The following AGBL2 variants were observed in gnomAD, a reference collection of about 807,000 sequenced individuals.
The protein encoded by AGBL2 is cytosolic carboxypeptidase 2.
In AGBL2, 87 loss-of-function variants were observed where a neutral mutation model predicts 103.0. The ratio of observed to expected loss-of-function variants is 0.84; its 90% confidence interval spans 0.71 to 1.01. AGBL2 has a LOEUF of 1.01. AGBL2 is among the 50% of genes least tolerant of loss of function. AGBL2 has a pLI of 0.00. For missense variants in AGBL2, 904 were observed against 1,023.5 expected (o/e 0.88, Z 1.59); for synonymous variants, 335 against 356.7 (o/e 0.94, Z 0.69).
chr11:47,693,336 T>G (rs1040937046), intron 8 of AGBL2, among the ~76,000 whole-genome samples: 1 of 152,154 alleles, frequency 6.6e-6, no homozygotes, highest in African/African-American at 2.4e-5. Context: ...TCATTTGTTT[T>G]AAGATTTTTA....
At chr11:47,711,411 C>G in intron 3 of AGBL2, among the ~76,000 whole-genome samples, 1 of 152,340 alleles carries the variant, frequency 6.6e-6, no homozygotes, top group South Asian at 2.1e-4. Context: ...CTCCTCCCCT[C>G]ACTTGCTTGC....
intron 14 of AGBL2, among the ~76,000 whole-genome samples, chr11:47,675,264 A>G (rs1038311063): frequency 7.6e-6 from 1 of 130,790 alleles, no homozygotes; most frequent in Non-Finnish European, 1.5e-5. Context: ...ATTGTAGTAC[A>G]CTAGCGCGGC....
intron 17 of AGBL2, chr11:47,666,748 T>A: frequency 1.6e-6 from 1 of 617,154 alleles, no homozygotes; most frequent in Non-Finnish European, 2.9e-6. Context: ...AAATCACAAA[T>A]CACCAATATT....
chr11:47,670,953 C>T (rs2097355489), intron 14 of AGBL2, among the ~76,000 whole-genome samples: 1 of 151,576 alleles, frequency 6.6e-6, no homozygotes, highest in Non-Finnish European at 1.5e-5. Flanking sequence ...TGTGATTGCG[C>T]CACTGACTCT....
intron 14 of AGBL2, among the ~76,000 whole-genome samples, chr11:47,674,163 G>A (rs2097366542): frequency 6.6e-6 from 1 of 152,112 alleles, no homozygotes; most frequent in Non-Finnish European, 1.5e-5. Context: ...GGCAATAAAT[G>A]CTATGGAAAA....
At chr11:47,698,102 T>C (rs2097483457) in intron 8 of AGBL2, among the ~76,000 whole-genome samples, 1 of 150,900 alleles carries the variant, frequency 6.6e-6, no homozygotes, top group Non-Finnish European at 1.5e-5. Flanking sequence ...CCTCAGGTGA[T>C]CTGCCCATCT....
At chr11:47,697,103 A>G (rs1205550821) in intron 8 of AGBL2, among the ~76,000 whole-genome samples, 1 of 151,302 alleles carries the variant, frequency 6.6e-6, no homozygotes, top group African/African-American at 2.4e-5. Flanking sequence ...TAATTTTTGT[A>G]TTTTTAGTAG....
chr11:47,683,137 G>A (rs760369109), intron 11 of AGBL2, among the ~76,000 whole-genome samples: 2 of 152,150 alleles, frequency 1.3e-5, no homozygotes, highest in African/African-American at 2.4e-5. Context: ...TTGGGAGGCC[G>A]AGACGGCCCA....
intron 9 of AGBL2, 117 bp downstream of exon 9, chr11:47,691,986 C>A (rs2097449381): frequency 2.2e-6 from 2 of 889,342 alleles, no homozygotes; most frequent in Non-Finnish European, 1.6e-6. Context: ...TCTTCATACC[C>A]ATAACTATTC....
chr11:47,660,670 C>A lies in AGBL2; in HGVS notation c.2536-324G>T, dbSNP rs552395315. 2.1e-3 allele frequency among the ~76,000 whole-genome samples: 320 copies of A among 151,924 alleles called. 1 individual carries two copies. The highest frequency in any genetic ancestry group is 7.3e-3 in the African/African-American group (303 of 41,450). ...CTGGGCTCAAGCAATTCTCCTGCCT[C>A]AGCCTCCCGAGGAGCTGGGACTACA... On this transcript the variant is annotated intron_variant, in intron 18 of 18. Transcript: ENST00000525123.
chr11:47,690,002 AC>A, intron 10 of AGBL2, 73 bp downstream of exon 10: 2 of 1,333,908 alleles, frequency 1.5e-6, no homozygotes, highest in East Asian at 4.6e-5. Flanking sequence ...GAGACCTCAT[AC>A]CCCATCAGGT....
chr11:47,673,511 G>C (rs2097363721), intron 14 of AGBL2, among the ~76,000 whole-genome samples: 1 of 152,064 alleles, frequency 6.6e-6, no homozygotes, highest in African/African-American at 2.4e-5. Context: ...TGTAATCCCA[G>C]CTATTTGGGA....
intron 14 of AGBL2, among the ~76,000 whole-genome samples, chr11:47,676,498 A>G (rs1478858191): frequency 2.6e-5 from 4 of 152,106 alleles, no homozygotes; most frequent in Non-Finnish European, 5.9e-5. Flanking sequence ...TACTTTTCAC[A>G]CAGCAGCCAG....
At chr11:47,661,356 A>C (rs1000053744) in intron 18 of AGBL2, among the ~76,000 whole-genome samples, 3 of 152,278 alleles carry the variant, frequency 2.0e-5, no homozygotes, top group Non-Finnish European at 2.9e-5. Flanking sequence ...GGACAAGCTC[A>C]TTCTTGATTA....
intron 17 of AGBL2, among the ~76,000 whole-genome samples, chr11:47,663,845 C>T (rs2097334227): frequency 6.6e-6 from 1 of 150,538 alleles, no homozygotes; most frequent in Non-Finnish European, 1.5e-5. Flanking sequence ...CATGAGCCAC[C>T]GTGCCCAGCC....
chr11:47,679,651 CT>C (rs1177330827), intron 13 of AGBL2, among the ~76,000 whole-genome samples: 387 of 142,200 alleles, frequency 2.7e-3, no homozygotes, highest in Admixed American at 4.7e-3. Context: ...CATCACATTT[CT>C]TTTTTTTTTT....
At chr11:47,708,812 CA>C (rs1237555094) in intron 4 of AGBL2, among the ~76,000 whole-genome samples, 3,022 of 111,226 alleles carry the variant, frequency 0.027, 51 homozygotes, top group African/African-American at 0.067. Flanking sequence ...GACTCTGTCT[CA>C]AAAAAAAAAA....
In AGBL2 at chr11:47,704,595, A is replaced by G. The variant is rs2097510894; in HGVS notation, c.534T>C (p.Ala178=). The stretch of plus-strand genomic sequence containing the variant: ...CCTCACATTCAATTGGCCATCTTGG[A>G]GCCTGCAGTGGCCTCTTGGTAGACA... ...SILSTKRPLQ[A]PRWPIECEVI... The change falls in exon 7 of 19, where the codon GCT becomes GCC. Residue 178 remains alanine, a synonymous_variant. Transcript: ENST00000525123. 6.2e-7 allele frequency: 1 copy of G among 1,613,878 alleles called. No individual in the cohort carries two copies. The highest frequency in any genetic ancestry group is 1.1e-5 in the South Asian group (1 of 91,086).
At position 47,680,039 on chromosome 11, in the gene AGBL2, A is replaced by C; in HGVS notation, c.1950T>G (p.Asp650Glu). The part of the protein sequence containing the change: ...NKRDTHFTIE[D>E]LKSLGYHVCD... ...AGACATGATAACCTAAGGACTTCAG[A>C]TCTTCGATGGTAAAGTGGGTGTCTC... The change falls in exon 13 of 19, where the codon GAT becomes GAG. Residue 650 changes from aspartate (D) to glutamate (E), a missense_variant. Transcript: ENST00000525123. 2 of 1,612,414 alleles carry C rather than the reference A, an allele frequency of 1.2e-6. No homozygotes were observed.
Sources: gnomAD v4.1 joint callset for allele counts (sites outside exome capture counted in the v4.1 genomes callset) on GRCh38, gnomAD v4.1.1 for gene constraint, MANE v1.5 for transcripts, NCBI Gene and HGNC (gene_info 2026-07-23, HGNC 2026-07-21) for gene names.